The following NFATC2 variants were observed in gnomAD, a reference collection of about 807,000 sequenced individuals.
The protein encoded by NFATC2 is nuclear factor of activated T-cells, cytoplasmic 2.
NFATC2 carries 22 observed loss-of-function variants against 87.3 expected under a neutral mutation model. The observed-to-expected ratio is 0.25, with a 90% CI of 0.18 to 0.36. The LOEUF is 0.36. NFATC2 is among the 10% of genes least tolerant of loss of function. NFATC2 has a pLI of 1.00. For missense variants in NFATC2, 1,149 were observed against 1,259.1 expected, an observed-to-expected ratio of 0.91 and a Z score of 1.32; for synonymous variants, 565 against 542.2, an observed-to-expected ratio of 1.04 and a Z score of -0.58.
intron 10 of NFATC2, among the ~76,000 whole-genome samples, chr20:51,395,600 TCA>T (rs1491027820): frequency 7.9e-4 from 34 of 43,018 alleles, no homozygotes; most frequent in Non-Finnish European, 1.3e-3. Flanking sequence ...GAGAATGATC[TCA>T]CAGAGGTGCC....
Position 51,398,723 on chromosome 20 carries a change from T to TATCA in NFATC2, c.2726_2729dup (p.Thr912ArgfsTer5), listed in dbSNP as rs1987614979. 4 of 1,610,680 alleles carry TATCA rather than the reference T, an allele frequency of 2.5e-6. No individual in the cohort carries two copies. The highest frequency in any genetic ancestry group is 3.4e-6 in the Non-Finnish European group (4 of 1,177,566). On this transcript the variant is annotated frameshift_variant, in exon 10 of 11. Transcript: ENST00000371564. LOFTEE classifies it high-confidence loss of function. Reference sequence around the variant, plus strand: ...TTTGTATCCAGCTAAGGTGTGTGTCTATCAGCTCTGAAAAAGATTTGCAAA... The same window carrying TATCA: ...TTTGTATCCAGCTAAGGTGTGTGTCTATCAATCAGCTCTGAAAAAGATTTGCAAA...
At chr20:51,531,837 C>T (rs953781333) in intron 1 of NFATC2, among the ~76,000 whole-genome samples, 9 of 152,170 alleles carry the variant, frequency 5.9e-5, no homozygotes, top group Non-Finnish European at 1.2e-4. Flanking sequence ...ACAACTTGAA[C>T]GCACTAGTCC....
intron 3 of NFATC2, among the ~76,000 whole-genome samples, chr20:51,502,122 A>G (rs1354026202): frequency 6.6e-6 from 1 of 152,200 alleles, no homozygotes; most frequent in Non-Finnish European, 1.5e-5. Flanking sequence ...CTCCCAGAGG[A>G]TATCCAGGCC....
At chr20:51,438,353 C>T (rs1983860301) in intron 6 of NFATC2, among the ~76,000 whole-genome samples, 1 of 151,748 alleles carries the variant, frequency 6.6e-6, no homozygotes, top group Admixed American at 6.6e-5. Context: ...GTTTGTCACC[C>T]TCCCCCATAG....
chr20:51,525,985 C>T (rs6067808), intron 1 of NFATC2, among the ~76,000 whole-genome samples: 3 of 147,546 alleles, frequency 2.0e-5, no homozygotes, highest in Admixed American at 6.8e-5. Flanking sequence ...ACCTCTTCGC[C>T]GTACTTAAGC....
At chr20:51,475,174 G>A (rs1323524652) in intron 4 of NFATC2, among the ~76,000 whole-genome samples, 9 of 152,040 alleles carry the variant, frequency 5.9e-5, no homozygotes, top group Admixed American at 5.2e-4. Flanking sequence ...TCACCATGCT[G>A]GCCAGGCTGG....
chr20:51,447,402 G>A (rs572667744), intron 6 of NFATC2, among the ~76,000 whole-genome samples: 1 of 152,330 alleles, frequency 6.6e-6, no homozygotes, highest in African/African-American at 2.4e-5. Flanking sequence ...GCCCCCGCAG[G>A]ACACACAGAG....
intron 5 of NFATC2, among the ~76,000 whole-genome samples, chr20:51,459,675 C>T (rs181775383): frequency 2.0e-4 from 31 of 152,152 alleles, no homozygotes; most frequent in Admixed American, 7.2e-4. Flanking sequence ...GTCAGAAGTT[C>T]GAGACCAGCC....
chr20:51,527,991 C>A (rs2076572018), intron 1 of NFATC2, among the ~76,000 whole-genome samples: 1 of 151,286 alleles, frequency 6.6e-6, no homozygotes, highest in Non-Finnish European at 1.5e-5. Flanking sequence ...GTAGTCCCAG[C>A]CACTGGAGAA....
At chr20:51,441,199 C>T (rs1450649779) in intron 6 of NFATC2, among the ~76,000 whole-genome samples, 1 of 152,108 alleles carries the variant, frequency 6.6e-6, no homozygotes, top group Non-Finnish European at 1.5e-5. Flanking sequence ...AGGAGAATCA[C>T]TTGAACCTGG....
At chr20:51,391,983 C>T (rs925138382) in intron 10 of NFATC2, among the ~76,000 whole-genome samples, 1 of 152,110 alleles carries the variant, frequency 6.6e-6, no homozygotes, top group African/African-American at 2.4e-5. Context: ...ATCTTTGTGG[C>T]AGAAATGGAA....
At chr20:51,509,211 T>C (rs151108565) in intron 3 of NFATC2, among the ~76,000 whole-genome samples, 258 of 152,326 alleles carry the variant, frequency 1.7e-3, no homozygotes, top group African/African-American at 5.6e-3. Context: ...CTCCTTGGCC[T>C]GATAGTTTTC....
intron 10 of NFATC2, among the ~76,000 whole-genome samples, chr20:51,395,633 G>C (rs1422230055): frequency 8.9e-6 from 1 of 111,934 alleles, no homozygotes; most frequent in African/African-American, 4.2e-5. Flanking sequence ...GATGGAGAAT[G>C]ATCTCAGGGT....
At chr20:51,534,076 C>T (rs185767276) in intron 1 of NFATC2, among the ~76,000 whole-genome samples, 14 of 152,290 alleles carry the variant, frequency 9.2e-5, no homozygotes, top group Non-Finnish European at 1.8e-4. Flanking sequence ...CAAGCTTTCA[C>T]GTGTACGCTC....
chr20:51,494,447 C>A (rs868609681), intron 3 of NFATC2, among the ~76,000 whole-genome samples: 1 of 152,118 alleles, frequency 6.6e-6, no homozygotes, highest in African/African-American at 2.4e-5. Context: ...CCTCACACTT[C>A]GCTCTTGAGG....
intron 2 of NFATC2, among the ~76,000 whole-genome samples, chr20:51,517,285 G>A (rs2076367065): frequency 6.6e-6 from 1 of 152,002 alleles, no homozygotes; most frequent in African/African-American, 2.4e-5. Flanking sequence ...CACAGAAAAG[G>A]TACACTAAAA....
intron 3 of NFATC2, among the ~76,000 whole-genome samples, chr20:51,477,999 C>T (rs1988902686): frequency 1.3e-5 from 2 of 152,188 alleles, no homozygotes; most frequent in Non-Finnish European, 2.9e-5. Context: ...CAGAATGTTT[C>T]CATCATCACA....
At chr20:51,396,121 G>A (rs1030201420) in intron 10 of NFATC2, among the ~76,000 whole-genome samples, 1 of 143,326 alleles carries the variant, frequency 7.0e-6, no homozygotes, top group African/African-American at 2.5e-5. Context: ...GAAAAAGCAG[G>A]GTGTTCTCTT....
At chr20:51,546,046 C>T (rs2076887221), upstream of NFATC2, among the ~76,000 whole-genome samples, 1 of 152,166 alleles carries the variant, frequency 6.6e-6, no homozygotes, top group South Asian at 2.1e-4. Flanking sequence ...ATTCTTACCC[C>T]AATTCCACTT....
Sources: gnomAD v4.1 joint callset for allele counts (sites outside exome capture counted in the v4.1 genomes callset) on GRCh38, gnomAD v4.1.1 for gene constraint, MANE v1.5 for transcripts, NCBI Gene and HGNC (gene_info 2026-07-23, HGNC 2026-07-21) for gene names.